The following GRID1 variants were observed in gnomAD, a reference collection of about 807,000 sequenced individuals.
GRID1 encodes glutamate ionotropic receptor delta type subunit 1.
A neutral mutation model predicts 98.0 loss-of-function variants in GRID1; 28 were observed. The ratio of observed to expected loss-of-function variants is 0.29; its 90% CI spans 0.21 to 0.39. The LOEUF (loss-of-function observed/expected upper bound fraction) is 0.39, where lower values mean the gene tolerates loss of function less well. Ranked by LOEUF, GRID1 falls within the 10% of genes least tolerant of loss-of-function variation. GRID1 has a pLI of 1.00. For missense variants in GRID1, 1,111 were observed against 1,340.5 expected (o/e 0.83, Z 2.67); for synonymous variants, 553 against 538.5 (o/e 1.03, Z -0.37).
At chr10:86,200,585 C>T (rs1391694263) in intron 3 of GRID1, among the ~76,000 whole-genome samples, 6 of 152,156 alleles carry the variant, frequency 3.9e-5, no homozygotes, top group African/African-American at 7.2e-5. Context: ...TTCTTTCTGA[C>T]ATTCAGGTAG....
At chr10:85,927,276 A>G (rs541268926) in intron 4 of GRID1, among the ~76,000 whole-genome samples, 1 of 152,188 alleles carries the variant, frequency 6.6e-6, no homozygotes, top group Non-Finnish European at 1.5e-5. Flanking sequence ...GAACCAATGG[A>G]CTGTGAGTTA....
In GRID1 at chr10:85,977,090, G is replaced by A. The variant is rs577460763; in HGVS notation, c.727-60851C>T. Among the ~76,000 whole-genome samples the A allele has an allele frequency of 6.4e-4, 98 of 152,288 alleles. 1 individual carries two copies. The South Asian group carries it at 0.019, about 30-fold the overall frequency. On this transcript the variant is annotated intron_variant, in intron 4 of 15. Transcript: ENST00000327946. ...AGGAGCCAGGGCTGCTTAAATCCTG[G>A]GACATACTCTCCTGATGCATTTGAT...
chr10:85,799,042 C>A (rs951011513), intron 8 of GRID1, among the ~76,000 whole-genome samples: 37 of 151,990 alleles, frequency 2.4e-4, no homozygotes, highest in African/African-American at 8.5e-4. Flanking sequence ...AGATAAGGGT[C>A]TATTTTCATT....
intron 8 of GRID1, among the ~76,000 whole-genome samples, chr10:85,847,183 A>G (rs952807111): frequency 6.6e-6 from 1 of 152,264 alleles, no homozygotes; most frequent in African/African-American, 2.4e-5. Flanking sequence ...ATGGAGACAC[A>G]CAGAAAAGAT....
At chr10:86,146,163 T>A (rs759857084) in intron 3 of GRID1, among the ~76,000 whole-genome samples, 4 of 152,216 alleles carry the variant, frequency 2.6e-5, no homozygotes, top group Non-Finnish European at 5.9e-5. Context: ...TTTTACCATC[T>A]GTAATGTACA....
rs546302523 is a variant in GRID1 at position 86,210,601 on chromosome 10, C to T, written c.236-3953G>A. The stretch of plus-strand genomic sequence containing the variant: ...TCACAGGCAAGAGCCATCTCGCCCT[C>T]CCCGTGGAGGTGAGCACTGCCGGCC... On this transcript the variant is annotated intron_variant, in intron 2 of 15. Coordinates refer to ENST00000327946, the MANE Select transcript of GRID1 (RefSeq NM_017551.3). 1.1e-3 allele frequency among the ~76,000 whole-genome samples: 164 copies of T among 152,326 alleles called. 4 individuals are homozygous for T. The South Asian group carries it at 0.031, about 29-fold the overall frequency.
At chr10:85,847,882 T>G (rs549012477) in intron 8 of GRID1, among the ~76,000 whole-genome samples, 1 of 152,334 alleles carries the variant, frequency 6.6e-6, no homozygotes, top group African/African-American at 2.4e-5. Context: ...TGTGAAAATA[T>G]TTTTAAATTC....
chr10:85,786,006 T>G (rs773802829), intron 8 of GRID1, among the ~76,000 whole-genome samples: 3 of 151,838 alleles, frequency 2.0e-5, no homozygotes, highest in Non-Finnish European at 2.9e-5. Context: ...GTACACATAC[T>G]ATACACATAC....
At chr10:85,752,806 A>G (rs1842060198) in intron 8 of GRID1, among the ~76,000 whole-genome samples, 1 of 152,162 alleles carries the variant, frequency 6.6e-6, no homozygotes, top group African/African-American at 2.4e-5. Context: ...AATATTTTCA[A>G]TCTGTCCATT....
intron 2 of GRID1, among the ~76,000 whole-genome samples, chr10:86,267,638 C>T (rs1847124238): frequency 6.6e-6 from 1 of 152,174 alleles, no homozygotes; most frequent in Admixed American, 6.5e-5. Context: ...CGAGTGCCCA[C>T]CACACCCACT....
intron 12 of GRID1, among the ~76,000 whole-genome samples, chr10:85,704,233 G>A (rs1483934214): frequency 1.3e-5 from 2 of 152,064 alleles, no homozygotes; most frequent in Non-Finnish European, 2.9e-5. Flanking sequence ...CATCTCACGT[G>A]CAAAGACACA....
At chr10:86,032,829 T>TAAAAA (rs58350170) in intron 4 of GRID1, among the ~76,000 whole-genome samples, 3 of 109,852 alleles carry the variant, frequency 2.7e-5, no homozygotes, top group Non-Finnish European at 3.6e-5. Context: ...AATAAATACT[T>TAAAAA]AAAAAAAAAA....
chr10:85,638,974 A>T (rs1843081957), intron 13 of GRID1, among the ~76,000 whole-genome samples: 1 of 152,254 alleles, frequency 6.6e-6, no homozygotes, highest in Non-Finnish European at 1.5e-5. Flanking sequence ...TTACAAGTAT[A>T]TAAGGAGTAT....
chr10:86,211,563 G>A (rs1846108320), intron 2 of GRID1, among the ~76,000 whole-genome samples: 1 of 152,162 alleles, frequency 6.6e-6, no homozygotes, highest in Non-Finnish European at 1.5e-5. Flanking sequence ...TGCTTCCCTG[G>A]AGAAGATGTT....
chr10:86,147,492 C>T (rs1845105513), intron 3 of GRID1, among the ~76,000 whole-genome samples: 2 of 152,060 alleles, frequency 1.3e-5, no homozygotes, highest in South Asian at 2.1e-4. Flanking sequence ...CAAAAATAGA[C>T]ACATAAACCA....
intron 4 of GRID1, among the ~76,000 whole-genome samples, chr10:86,035,514 A>C (rs545205927): frequency 3.3e-5 from 5 of 152,374 alleles, no homozygotes; most frequent in Admixed American, 3.3e-4. Flanking sequence ...CCAACAGAGG[A>C]GGCACTGGCC....
chr10:85,788,400 T>C (rs1441595071), intron 8 of GRID1, among the ~76,000 whole-genome samples: 1 of 152,184 alleles, frequency 6.6e-6, no homozygotes, highest in African/African-American at 2.4e-5. Flanking sequence ...TGTTCTTTCT[T>C]ATGGTCTTGT....
At chr10:85,835,573 T>C (rs1000098590) in intron 8 of GRID1, among the ~76,000 whole-genome samples, 10 of 152,200 alleles carry the variant, frequency 6.6e-5, no homozygotes, top group African/African-American at 2.4e-4. Flanking sequence ...TACCCAGTCA[T>C]GTGGAACTGT....
intron 2 of GRID1, among the ~76,000 whole-genome samples, chr10:86,208,875 C>T (rs983458031): frequency 1.3e-5 from 2 of 152,226 alleles, no homozygotes; most frequent in African/African-American, 4.8e-5. Context: ...ACCGTAGGAA[C>T]AGCACTCAAT....
Sources: gnomAD v4.1 joint callset for allele counts (sites outside exome capture counted in the v4.1 genomes callset) on GRCh38, gnomAD v4.1.1 for gene constraint, MANE v1.5 for transcripts, NCBI Gene and HGNC (gene_info 2026-07-23, HGNC 2026-07-21) for gene names.